MGAT4A: variants seen among roughly 807,000 people sequenced by gnomAD.
MGAT4A encodes the protein alpha-1,3-mannosyl-glycoprotein 4-beta-N-acetylglucosaminyltransferase A.
Under a neutral mutation model 74.1 loss-of-function variants are expected in MGAT4A, and 33 were observed. That is an observed-to-expected ratio of 0.45 (90% confidence interval 0.34 to 0.60). The LOEUF is 0.60. MGAT4A is among the 20% of genes least tolerant of loss of function. The pLI is 0.02. For synonymous variants in MGAT4A, 198 were observed against 210.4 expected, an observed-to-expected ratio of 0.94 and a Z score of 0.51; for missense variants, 479 against 628.3, an observed-to-expected ratio of 0.76 and a Z score of 2.54.
intron 2 of MGAT4A, among the ~76,000 whole-genome samples, chr2:98,723,253 C>T (rs1175291119): frequency 6.6e-6 from 1 of 152,176 alleles, no homozygotes; most frequent in African/African-American, 2.4e-5. Context: ...AGATGAATAA[C>T]TCCTCCCTTC....
intron 2 of MGAT4A, 48 bp from the exon 3 acceptor site, chr2:98,678,519 A>C (rs761035282): frequency 7.9e-7 from 1 of 1,266,100 alleles, no homozygotes; most frequent in South Asian, 1.9e-5. Flanking sequence ...AAAACAAATA[A>C]ACAATATAAT....
chr2:98,636,876 G>C (rs1701329584), intron 12 of MGAT4A, among the ~76,000 whole-genome samples: 1 of 152,122 alleles, frequency 6.6e-6, no homozygotes. Context: ...TTTTCAAAAA[G>C]GATGAGTTTT....
rs1281896990 is a variant in MGAT4A at position 98,660,406 on chromosome 2, ACACACGCACGCG to A, written c.538-2154_538-2143del. Among the ~76,000 whole-genome samples the A allele has an allele frequency of 4.5e-5, 6 of 134,812 alleles. 1 individual carries two copies. The highest frequency in any genetic ancestry group is 2.0e-4 in the East Asian group (1 of 4,930). The allele number at this position is 134,812 out of a possible 152,430, so 88.4% of individuals were successfully genotyped here. A position where few individuals can be genotyped will look rare whatever the true frequency, so the allele number is the denominator to read the frequency against. The stretch of plus-strand genomic sequence containing the variant: ...TTCATATATAACCACACACACACAC[ACACACGCACGCG>A]CACACACACACACACACACACACAC... On this transcript the variant is annotated intron_variant, in intron 5 of 15. Coordinates refer to ENST00000393487, the MANE Select transcript of MGAT4A (RefSeq NM_012214.3).
At position 98,624,303 on chromosome 2, in the gene MGAT4A, C is replaced by A. The variant is rs1370428126; in HGVS notation, c.*1263G>T. On this transcript the variant is annotated 3_prime_UTR_variant, in exon 16 of 16. Transcript: ENST00000393487. ...CTGGGATTACAGGCGTGAGCCACAGCGCCTGGTGATAATTCATCATTTTTT... is the reference window on the plus strand; with the variant it reads ...CTGGGATTACAGGCGTGAGCCACAGAGCCTGGTGATAATTCATCATTTTTT... 1 of 967,220 alleles carries A rather than the reference C, an allele frequency of 1.0e-6. No homozygotes were observed. Among genetic ancestry groups the A allele is most frequent in the Non-Finnish European group, 1.2e-6 (1 of 813,542 alleles). The allele number at this position is 967,220 out of a possible 1,614,324, so 59.9% of individuals were successfully genotyped here.
At chr2:98,706,575 G>T (rs1425664255) in intron 2 of MGAT4A, among the ~76,000 whole-genome samples, 3 of 150,888 alleles carry the variant, frequency 2.0e-5, no homozygotes, top group Non-Finnish European at 4.4e-5. Flanking sequence ...TGATCCACCC[G>T]CGTCGGCCTC....
chr2:98,688,268 T>A (rs1484219474), intron 2 of MGAT4A, among the ~76,000 whole-genome samples: 1 of 152,140 alleles, frequency 6.6e-6, no homozygotes, highest in Non-Finnish European at 1.5e-5. Flanking sequence ...AGAATATAAC[T>A]CATTCTGTCT....
In MGAT4A at chr2:98,675,041, T is replaced by G. The variant is rs1701959961; in HGVS notation, c.397A>C (p.Thr133Pro). 2.5e-6 allele frequency: 4 copies of G among 1,609,064 alleles called. No homozygotes were observed. The highest frequency in any genetic ancestry group is 3.4e-6 in the Non-Finnish European group (4 of 1,178,786). Residue 133 changes from threonine (T) to proline (P), a missense_variant, in exon 4 of 16, where the codon ACA becomes CCA. Coordinates refer to ENST00000393487, the MANE Select transcript of MGAT4A (RefSeq NM_012214.3). ...QPAVQIGNGR[T>P]GVSIVMGIPT... is the part of the protein sequence containing the mutation. ...AGAAACAAAATAAACATACCTCCTG[T>G]TCTTCCGTTGCCAATCTGTACAGCA... is the stretch of plus-strand genomic sequence containing the variant.
chr2:98,633,279 G>C (rs1701269324), intron 14 of MGAT4A, among the ~76,000 whole-genome samples: 1 of 152,188 alleles, frequency 6.6e-6, no homozygotes, highest in South Asian at 2.1e-4. Flanking sequence ...CACAGCCCTA[G>C]ACTAGAAGCT....
intron 2 of MGAT4A, among the ~76,000 whole-genome samples, chr2:98,689,058 T>C (rs971031598): frequency 2.6e-5 from 4 of 152,196 alleles, no homozygotes; most frequent in Admixed American, 6.5e-5. Context: ...GGAAGAATGA[T>C]AGAACCACCT....
chr2:98,667,561 C>T (rs1459516143), intron 4 of MGAT4A, among the ~76,000 whole-genome samples: 2 of 152,176 alleles, frequency 1.3e-5, no homozygotes, highest in East Asian at 3.9e-4. Context: ...AAGAGACTGG[C>T]AGCATTTTGC....
intron 2 of MGAT4A, among the ~76,000 whole-genome samples, chr2:98,685,524 A>C (rs185602494): frequency 1.3e-5 from 2 of 152,148 alleles, no homozygotes; most frequent in Non-Finnish European, 2.9e-5. Flanking sequence ...AAACCTCTTA[A>C]GCATAAAGAA....
chr2:98,668,751 G>A lies in MGAT4A; in HGVS notation c.404-5572C>T, dbSNP rs966671999. Reference sequence around the variant, plus strand: ...GCAGCTGGGAGGGAGGCTGTACCCCGCAGAGCCACAGGGGCAGAGCTGCCC... The same window carrying A: ...GCAGCTGGGAGGGAGGCTGTACCCCACAGAGCCACAGGGGCAGAGCTGCCC... On this transcript the variant is annotated intron_variant, in intron 4 of 15. Coordinates refer to ENST00000393487, the MANE Select transcript of MGAT4A (RefSeq NM_012214.3). Among the ~76,000 whole-genome samples, 19 of 152,328 alleles carry A rather than the reference G, an allele frequency of 1.2e-4. No homozygotes were observed. The East Asian group carries it at 1.7e-3, about 14-fold the overall frequency.
At position 98,640,126 on chromosome 2, in the gene MGAT4A, GT is replaced by G; in HGVS notation, c.1122del (p.Lys374AsnfsTer8). The G allele has an allele frequency of 6.2e-7, 1 of 1,604,412 alleles. No homozygotes were observed. The highest frequency in any genetic ancestry group is 8.5e-7 in the Non-Finnish European group (1 of 1,176,716). On this transcript the variant is annotated frameshift_variant, in exon 11 of 16. Transcript: ENST00000393487. LOFTEE classifies it high-confidence loss of function. The part of the protein sequence containing the change: ...LHSSLSGKIQ[K>X]LTDKDYMKPL... The stretch of plus-strand genomic sequence containing the variant: ...AATAAAATTAAGTCACCAACCGTGA[GT>G]TTTTGGATTTTTCCTGATAGTGATG...
chr2:98,684,513 A>G (rs1168617754), intron 2 of MGAT4A, among the ~76,000 whole-genome samples: 3 of 152,256 alleles, frequency 2.0e-5, no homozygotes, highest in Non-Finnish European at 2.9e-5. Context: ...ATTTCCAGAG[A>G]AACCACTTTG....
rs1157099237 is a variant in MGAT4A, at chr2:98,624,428, A to T, written c.*1138T>A. ...AATAGCGTGTTTAAGAGTAATAAAT[A>T]CAGTCTCTTGGACACGGGACTCACT... is the stretch of plus-strand genomic sequence containing the variant. On this transcript the variant is annotated 3_prime_UTR_variant, in exon 16 of 16. Transcript: ENST00000393487. 1 of 963,872 alleles carries T rather than the reference A, an allele frequency of 1.0e-6. No homozygotes were observed. The highest frequency in any genetic ancestry group is 6.2e-5 in the Admixed American group (1 of 16,218). 59.7% of individuals were successfully genotyped at this position (963,872 alleles called of 1,614,324 possible). A position where few individuals can be genotyped will look rare whatever the true frequency, so the allele number is the denominator to read the frequency against.
chr2:98,729,047 A>T (rs1207690579), intron 1 of MGAT4A, among the ~76,000 whole-genome samples: 1 of 152,180 alleles, frequency 6.6e-6, no homozygotes, highest in East Asian at 1.9e-4. Context: ...AGTTAAGGAT[A>T]TTTTAAAAGT....
At chr2:98,682,885 A>G (rs956890464) in intron 2 of MGAT4A, among the ~76,000 whole-genome samples, 1 of 152,054 alleles carries the variant, frequency 6.6e-6, no homozygotes, top group Admixed American at 6.5e-5. Flanking sequence ...GGAGATCGAG[A>G]CCATCCTGGC....
At chr2:98,700,396 C>G (rs531285513) in intron 2 of MGAT4A, among the ~76,000 whole-genome samples, 1 of 149,008 alleles carries the variant, frequency 6.7e-6, no homozygotes, top group East Asian at 2.0e-4. Flanking sequence ...AGTATATACT[C>G]TATATTATAT....
At chr2:98,712,093 T>C (rs537347702) in intron 2 of MGAT4A, among the ~76,000 whole-genome samples, 2 of 152,330 alleles carry the variant, frequency 1.3e-5, no homozygotes, top group East Asian at 3.9e-4. Context: ...TCCTCCACTC[T>C]TCTCCATCCT....
Sources: gnomAD v4.1 joint callset for allele counts (sites outside exome capture counted in the v4.1 genomes callset) on GRCh38, gnomAD v4.1.1 for gene constraint, MANE v1.5 for transcripts, NCBI Gene and HGNC (gene_info 2026-07-23, HGNC 2026-07-21) for gene names.